The following SMIM10L3 variants were observed in gnomAD, a reference collection of about 807,000 sequenced individuals.
SMIM10L3 encodes small integral membrane protein 10 like 3.
chr7:6,341,687 C>CA, the SMIM10L3 span, among the ~76,000 whole-genome samples: 2,202 of 110,654 alleles, frequency 0.02, 30 homozygotes, highest in East Asian at 0.1. Flanking sequence ...AAGACTCTGT[C>CA]AAAAAAAAAA....
the SMIM10L3 span, among the ~76,000 whole-genome samples, chr7:6,345,189 C>T: frequency 6.6e-6 from 1 of 151,932 alleles, no homozygotes; most frequent in Non-Finnish European, 1.5e-5. Context: ...ATGATCACGG[C>T]TCACTGCATC....
chr7:6,341,609 G>T, the SMIM10L3 span, among the ~76,000 whole-genome samples: 1 of 148,618 alleles, frequency 6.7e-6, no homozygotes. Flanking sequence ...GGAATGGCGT[G>T]AACCCAGGAG....
the SMIM10L3 span, among the ~76,000 whole-genome samples, chr7:6,336,310 T>C: frequency 1.9e-3 from 287 of 152,104 alleles, 3 homozygotes; most frequent in East Asian, 0.04. Flanking sequence ...ATCACACCAC[T>C]ATACTCCAGC....
At chr7:6,331,174 G>T in the SMIM10L3 span, 2 of 1,601,754 alleles carry the variant, frequency 1.2e-6, no homozygotes, top group Non-Finnish European at 1.7e-6. Flanking sequence ...TCTTGGATGC[G>T]GTGGGCCTGA....
the SMIM10L3 span, among the ~76,000 whole-genome samples, chr7:6,333,373 C>G: frequency 1.3e-5 from 2 of 152,040 alleles, no homozygotes; most frequent in South Asian, 4.2e-4. Flanking sequence ...ATTCTGGCTA[C>G]ACTGTGATGG....
chr7:6,337,585 TTA>T, the SMIM10L3 span, among the ~76,000 whole-genome samples: 4 of 150,650 alleles, frequency 2.7e-5, no homozygotes, highest in East Asian at 6.1e-4. Flanking sequence ...TACAGTACCA[TTA>T]TTTTTTTTCA....
chr7:6,347,882 CTTTATT>C, the SMIM10L3 span, among the ~76,000 whole-genome samples: 1 of 92,030 alleles, frequency 1.1e-5, no homozygotes, highest in African/African-American at 4.0e-5. Context: ...AACGAGACCC[CTTTATT>C]ATTATTATTA....
At chr7:6,331,283 C>T in the SMIM10L3 span, 2 of 865,724 alleles carry the variant, frequency 2.3e-6, no homozygotes, top group Non-Finnish European at 3.5e-6. Flanking sequence ...ACACATGGGT[C>T]TTAAGAGCAT....
At chr7:6,347,281 G>A in the SMIM10L3 span, among the ~76,000 whole-genome samples, 11 of 152,322 alleles carry the variant, frequency 7.2e-5, no homozygotes, top group East Asian at 7.7e-4. Context: ...TTGGGAGGTC[G>A]AGGCGGGCAG....
chr7:6,347,540 T>C, the SMIM10L3 span, among the ~76,000 whole-genome samples: 13 of 151,746 alleles, frequency 8.6e-5, no homozygotes, highest in African/African-American at 2.7e-4. Context: ...GAGATACCAA[T>C]TTTTTACAGC....
chr7:6,330,084 C>T, the SMIM10L3 span: 9 of 361,074 alleles, frequency 2.5e-5, no homozygotes, highest in Non-Finnish European at 4.2e-5. Flanking sequence ...GACAGAACTT[C>T]ATGGTAAATC....
the SMIM10L3 span, among the ~76,000 whole-genome samples, chr7:6,334,008 G>A: frequency 2.7e-4 from 41 of 151,194 alleles, no homozygotes; most frequent in East Asian, 1.2e-3. Context: ...CACCACGCCC[G>A]GCTAATTTTT....
At chr7:6,330,971 A>T in the SMIM10L3 span, 2 of 1,614,234 alleles carry the variant, frequency 1.2e-6, no homozygotes, top group Non-Finnish European at 1.7e-6. Flanking sequence ...ATTTCCAGTG[A>T]TAATGCCTCA....
At chr7:6,340,081 C>T in the SMIM10L3 span, among the ~76,000 whole-genome samples, 5 of 151,898 alleles carry the variant, frequency 3.3e-5, no homozygotes, top group Non-Finnish European at 7.4e-5. Flanking sequence ...GATGGGGTTT[C>T]TCCATGTTGA....
chr7:6,331,224 C>T, the SMIM10L3 span: 12 of 1,459,018 alleles, frequency 8.2e-6, no homozygotes, highest in African/African-American at 1.4e-5. Flanking sequence ...TTCAATGGAT[C>T]TCAATATGAA....
the SMIM10L3 span, among the ~76,000 whole-genome samples, chr7:6,336,572 T>TA: frequency 6.6e-6 from 1 of 151,192 alleles, no homozygotes. Context: ...TCCCAGCTAT[T>TA]AGTCAGGAGG....
the SMIM10L3 span, among the ~76,000 whole-genome samples, chr7:6,339,572 C>T: frequency 2.0e-5 from 3 of 151,968 alleles, no homozygotes; most frequent in Non-Finnish European, 4.4e-5. Context: ...CAAGCTCCGC[C>T]TCCCAGGTTC....
the SMIM10L3 span, among the ~76,000 whole-genome samples, chr7:6,344,672 GACTCCCA>G: frequency 1.3e-5 from 2 of 152,034 alleles, no homozygotes; most frequent in Non-Finnish European, 2.9e-5. Context: ...TCCCACCTTG[GACTCCCA>G]AAGTGCTGGG....
At chr7:6,340,965 T>TAA in the SMIM10L3 span, among the ~76,000 whole-genome samples, 38,824 of 86,800 alleles carry the variant, frequency 0.45, 8,436 homozygotes, top group African/African-American at 0.57. Context: ...CTGTCTCTAC[T>TAA]AAAAAAAAAA....
Sources: gnomAD v4.1 joint callset for allele counts (sites outside exome capture counted in the v4.1 genomes callset) on GRCh38, gnomAD v4.1.1 for gene constraint, MANE v1.5 for transcripts, NCBI Gene and HGNC (gene_info 2026-07-23, HGNC 2026-07-21) for gene names.